Variants in PCDH11X observed in about 807,000 individuals in gnomAD.
PCDH11X encodes protocadherin-11 X-linked.
PCDH11X carries 18 observed loss-of-function variants against 53.3 expected under a neutral mutation model. The ratio of observed to expected loss-of-function variants is 0.34; its 90% CI spans 0.23 to 0.50. The LOEUF is 0.50. Ranked by LOEUF, PCDH11X falls within the 20% of genes least tolerant of loss-of-function variation. PCDH11X has a pLI of 0.98. For synonymous variants in PCDH11X, 279 were observed against 393.3 expected (o/e 0.71, Z 3.44); for missense variants, 570 against 1,032.4 (o/e 0.55, Z 6.14).
At chrX:92,334,698 C>T (rs1212892512) in intron 8 of PCDH11X, among the ~76,000 whole-genome samples, 2 of 111,409 alleles carry the variant, frequency 1.8e-5, no homozygotes, top group African/African-American at 3.3e-5. Context: ...CATTGCCCGC[C>T]ATTTCATACA....
At chrX:92,075,185 C>T (rs759184916) in intron 6 of PCDH11X, among the ~76,000 whole-genome samples, 1 of 109,339 alleles carries the variant, frequency 9.1e-6, no homozygotes, top group Admixed American at 1.0e-4. Context: ...CTGGTTTCTA[C>T]CTGCATCTCA....
At chrX:92,510,210 A>G (rs989565868) in intron 10 of PCDH11X, among the ~76,000 whole-genome samples, 3 of 105,611 alleles carry the variant, frequency 2.8e-5, no homozygotes, top group Non-Finnish European at 5.9e-5. Flanking sequence ...ACTAACAGGG[A>G]TCATTACCAG....
intron 6 of PCDH11X, among the ~76,000 whole-genome samples, chrX:92,141,936 A>G (rs1258670677): frequency 9.0e-6 from 1 of 111,157 alleles, no homozygotes; most frequent in Non-Finnish European, 1.9e-5. Flanking sequence ...GTTCTGTATC[A>G]TTGTTGAATA....
intron 7 of PCDH11X, among the ~76,000 whole-genome samples, chrX:92,235,562 T>G: frequency 8.9e-6 from 1 of 111,763 alleles, no homozygotes; most frequent in Non-Finnish European, 1.9e-5. Context: ...ATTTTAAAAA[T>G]TATTATTACT....
chrX:92,419,536 A>C (rs753578333), intron 9 of PCDH11X, among the ~76,000 whole-genome samples: 2 of 107,821 alleles, frequency 1.9e-5, no homozygotes, highest in East Asian at 5.8e-4. Flanking sequence ...CAACCTGAAA[A>C]TCTTAAAATA....
At chrX:92,215,888 G>A (rs1392212803) in intron 7 of PCDH11X, among the ~76,000 whole-genome samples, 3 of 109,656 alleles carry the variant, frequency 2.7e-5, no homozygotes, top group Non-Finnish European at 5.7e-5. Flanking sequence ...AGCAGCATTC[G>A]CGGTTCACGA....
chrX:92,157,836 G>C, intron 6 of PCDH11X, among the ~76,000 whole-genome samples: 1 of 111,555 alleles, frequency 9.0e-6, no homozygotes, highest in Non-Finnish European at 1.9e-5. Context: ...ATCAATTATA[G>C]TATTTAATCA....
At chrX:92,056,850 A>T (rs931927222) in intron 6 of PCDH11X, among the ~76,000 whole-genome samples, 23 of 109,190 alleles carry the variant, frequency 2.1e-4, no homozygotes, top group Non-Finnish European at 3.8e-4. Flanking sequence ...AATATTCTTC[A>T]CTTATATGTA....
chrX:92,618,015 T>C (rs1928167920), intron 10 of PCDH11X: 1 of 123,674 alleles, frequency 8.1e-6, no homozygotes, highest in African/African-American at 3.3e-5. Flanking sequence ...CAATAAAAAA[T>C]ACCTACATTT....
intron 10 of PCDH11X, among the ~76,000 whole-genome samples, chrX:92,506,011 T>G (rs1356929038): frequency 4.5e-5 from 5 of 110,608 alleles, no homozygotes; most frequent in African/African-American, 1.6e-4. Flanking sequence ...TACACTGATT[T>G]TGTGTCCTGA....
At chrX:91,935,210 A>T (rs1225484234) in intron 6 of PCDH11X, among the ~76,000 whole-genome samples, 2 of 109,876 alleles carry the variant, frequency 1.8e-5, no homozygotes. Context: ...GCATTGTTTA[A>T]AAAGGAAATA....
chrX:92,343,962 G>A (rs772441135), intron 8 of PCDH11X, among the ~76,000 whole-genome samples: 1 of 103,976 alleles, frequency 9.6e-6, no homozygotes, highest in Admixed American at 1.0e-4. Context: ...TTATACAAAC[G>A]TTTTTTTTTT....
intron 6 of PCDH11X, among the ~76,000 whole-genome samples, chrX:91,995,001 G>T (rs974861284): frequency 9.0e-6 from 1 of 111,105 alleles, no homozygotes; most frequent in African/African-American, 3.3e-5. Flanking sequence ...ATTATTCGGT[G>T]TTTTATAATC....
intron 6 of PCDH11X, among the ~76,000 whole-genome samples, chrX:91,895,675 G>C (rs1405298445): frequency 9.2e-6 from 1 of 108,243 alleles, no homozygotes; most frequent in Non-Finnish European, 1.9e-5. Flanking sequence ...AAACCTAACA[G>C]TCCAGAAAGA....
chrX:92,328,098 T>C (rs753141452), intron 8 of PCDH11X, among the ~76,000 whole-genome samples: 2 of 111,130 alleles, frequency 1.8e-5, no homozygotes, highest in African/African-American at 6.5e-5. Flanking sequence ...CAACATATCA[T>C]ACATAAATGT....
chrX:92,054,332 T>A (rs1280369722), intron 6 of PCDH11X, among the ~76,000 whole-genome samples: 3 of 111,792 alleles, frequency 2.7e-5, no homozygotes, highest in African/African-American at 9.7e-5. Context: ...TCACTTTACT[T>A]ATTTAAGTTG....
chrX:92,325,211 C>T (rs994029312), intron 8 of PCDH11X, among the ~76,000 whole-genome samples: 6 of 110,334 alleles, frequency 5.4e-5, no homozygotes, highest in Non-Finnish European at 1.1e-4. Context: ...TGGTCTTGTA[C>T]ACTCCTAAAC....
At chrX:92,215,409 C>A (rs1274316616) in intron 7 of PCDH11X, among the ~76,000 whole-genome samples, 62 of 106,461 alleles carry the variant, frequency 5.8e-4, no homozygotes, top group African/African-American at 1.4e-3. Flanking sequence ...TATCCTGCAC[C>A]TGGCTCGGAA....
chrX:91,780,727 T>C (rs1170293475), intron 1 of PCDH11X, among the ~76,000 whole-genome samples: 1 of 112,793 alleles, frequency 8.9e-6, no homozygotes, highest in Non-Finnish European at 1.9e-5. Context: ...TGTGACTTTT[T>C]AAAAGCGAGC....
Sources: allele counts gnomAD v4.1 joint callset (sites outside exome capture counted in the v4.1 genomes callset), GRCh38; gene constraint gnomAD v4.1.1; transcripts MANE v1.5; gene names NCBI Gene and HGNC (gene_info 2026-07-23, HGNC 2026-07-21).